The following MAP2 variants were observed in gnomAD, a reference collection of about 807,000 sequenced individuals.
MAP2 encodes microtubule associated protein 2.
In MAP2, 14 loss-of-function variants were observed where a neutral mutation model predicts 137.6. That is an observed-to-expected ratio of 0.10 (90% CI 0.07 to 0.16). MAP2 has a LOEUF of 0.16. MAP2 is among the 10% of genes least tolerant of loss of function. The pLI, the probability that MAP2 is intolerant of heterozygous loss-of-function variation, is 1.00. For synonymous variants in MAP2, 786 were observed against 782.3 expected, an observed-to-expected ratio of 1.00 and a Z score of -0.08; for missense variants, 2,088 against 2,191.5, an observed-to-expected ratio of 0.95 and a Z score of 0.94.
chr2:209,630,222 T>TGA (rs2092841747), intron 4 of MAP2, among the ~76,000 whole-genome samples: 2 of 152,266 alleles, frequency 1.3e-5, no homozygotes, highest in African/African-American at 4.8e-5. Context: ...ACAGATCTTA[T>TGA]GAGGGTCTAG....
In MAP2 at chr2:209,592,478, G is replaced by A. The variant is rs181347459; in HGVS notation, c.-107+12378G>A. ...TGTGAAAGGCATTTATTCATATGTGGCCAGTCACTAATAAATCTGAGTCCT... is the reference window on the plus strand; with the variant it reads ...TGTGAAAGGCATTTATTCATATGTGACCAGTCACTAATAAATCTGAGTCCT... On this transcript the variant is annotated intron_variant, in intron 3 of 15. Coordinates refer to ENST00000682079, the MANE Select transcript of MAP2 (RefSeq NM_001375505.1). 4.7e-3 allele frequency among the ~76,000 whole-genome samples: 718 copies of A among 152,108 alleles called. 9 individuals carry two copies. Among genetic ancestry groups the A allele is most frequent in the African/African-American group, 0.016 (671 of 41,494 alleles).
At chr2:209,502,999 CTTTTTTT>C (rs71043931) in intron 1 of MAP2, among the ~76,000 whole-genome samples, 27,383 of 131,384 alleles carry the variant, frequency 0.21, 3,030 homozygotes, top group Non-Finnish European at 0.27. Flanking sequence ...GATTTTTTTT[CTTTTTTT>C]TTTTTTTTTT....
chr2:209,616,249 C>T (rs973889801), intron 3 of MAP2, among the ~76,000 whole-genome samples: 1 of 152,130 alleles, frequency 6.6e-6, no homozygotes, highest in African/African-American at 2.4e-5. Flanking sequence ...GCCCGGGGTC[C>T]CCAGCTTGCA....
intron 1 of MAP2, among the ~76,000 whole-genome samples, chr2:209,490,605 C>CAAAA (rs59133937): frequency 0.04 from 220 of 5,568 alleles, 78 homozygotes; most frequent in East Asian, 0.19. Flanking sequence ...AAATGGAAAG[C>CAAAA]AAAAAAAAAA....
chr2:209,710,510 T>G, intron 13 of MAP2: 1 of 436,244 alleles, frequency 2.3e-6, no homozygotes, highest in Non-Finnish European at 4.1e-6. Flanking sequence ...TAACTTTTTT[T>G]TTTTCTGAAT....
At chr2:209,578,723 G>A (rs1464984705) in intron 2 of MAP2, among the ~76,000 whole-genome samples, 1 of 152,106 alleles carries the variant, frequency 6.6e-6, no homozygotes, top group African/African-American at 2.4e-5. Flanking sequence ...CCCTACACAA[G>A]GGCACTGTAA....
At chr2:209,680,258 G>T (rs983376101) in intron 6 of MAP2, among the ~76,000 whole-genome samples, 56 of 152,096 alleles carry the variant, frequency 3.7e-4, no homozygotes, top group African/African-American at 1.3e-3. Flanking sequence ...ACAAAAGGTT[G>T]TTTAAAAAAT....
chr2:209,479,299 G>C (rs1409065835), intron 1 of MAP2, among the ~76,000 whole-genome samples: 1 of 152,008 alleles, frequency 6.6e-6, no homozygotes, highest in Non-Finnish European at 1.5e-5. Context: ...GGGTTTTGTT[G>C]AAATTGGCAT....
chr2:209,624,240 CA>C (rs2091879241), intron 3 of MAP2, among the ~76,000 whole-genome samples: 1 of 152,022 alleles, frequency 6.6e-6, no homozygotes, highest in Non-Finnish European at 1.5e-5. Flanking sequence ...TCCACTCTAC[CA>C]GGAGTAAAAT....
intron 13 of MAP2, among the ~76,000 whole-genome samples, chr2:209,718,750 A>G (rs895289887): frequency 1.3e-5 from 2 of 152,214 alleles, no homozygotes; most frequent in African/African-American, 4.8e-5. Context: ...TGTGTATTTA[A>G]ATATACATAT....
intron 1 of MAP2, among the ~76,000 whole-genome samples, chr2:209,442,409 A>G (rs1698021400): frequency 6.6e-6 from 1 of 151,610 alleles, no homozygotes; most frequent in Non-Finnish European, 1.5e-5. Context: ...TTGGTGAACA[A>G]TTTCTGTAGT....
At chr2:209,680,896 G>A (rs1419291572) in intron 7 of MAP2, 69 bp downstream of exon 7, 1 of 1,332,868 alleles carries the variant, frequency 7.5e-7, no homozygotes, top group African/African-American at 1.4e-5. Flanking sequence ...CAATCAATAA[G>A]CTCTGGACTT....
chr2:209,725,068 C>A (rs1457718473), intron 13 of MAP2, among the ~76,000 whole-genome samples: 2 of 152,166 alleles, frequency 1.3e-5, no homozygotes, highest in Non-Finnish European at 2.9e-5. Flanking sequence ...TTCAGTAATT[C>A]CCAAGTACTC....
rs763091857 is a variant in MAP2, at chr2:209,692,707, A to C, written c.537A>C (p.Glu179Asp). The C allele has an allele frequency of 6.2e-7, 1 of 1,613,948 alleles. No homozygotes were observed. Among genetic ancestry groups the C allele is most frequent in the Non-Finnish European group, 8.5e-7 (1 of 1,179,924 alleles). Residue 179 changes from glutamate to aspartate, a missense_variant, in exon 8 of 16, where the codon GAA becomes GAC. Glu to Asp is a conservative substitution (Grantham distance 45). Around this residue, in one of 6 missense-constraint regions of MAP2, gnomAD observed 859 missense variants for 794.5 expected, o/e 1.08. Coordinates refer to ENST00000682079, the MANE Select transcript of MAP2 (RefSeq NM_001375505.1). ...PSTAEPSDQK[E>D]KESEKQSKPG... ...CAGCTGAGCCTTCAGACCAGAAGGA[A>C]AAGGAGTCAGAGAAGCAAAGTAAGC...
intron 1 of MAP2, among the ~76,000 whole-genome samples, chr2:209,501,359 G>T (rs948648501): frequency 6.6e-6 from 1 of 152,068 alleles, no homozygotes; most frequent in Admixed American, 6.5e-5. Context: ...GTATAATCAG[G>T]CCTATTTGAG....
intron 11 of MAP2, among the ~76,000 whole-genome samples, chr2:209,702,518 T>C (rs769259899): frequency 2.6e-5 from 4 of 151,974 alleles, no homozygotes; most frequent in Middle Eastern, 3.2e-3. Flanking sequence ...TTTTTTTCTA[T>C]GGGTACATAT....
At chr2:209,457,555 A>T (rs1701832826) in intron 1 of MAP2, among the ~76,000 whole-genome samples, 1 of 152,038 alleles carries the variant, frequency 6.6e-6, no homozygotes, top group African/African-American at 2.4e-5. Context: ...CATATAATGA[A>T]GCTCTGAACT....
intron 3 of MAP2, among the ~76,000 whole-genome samples, chr2:209,592,922 C>T (rs946434516): frequency 3.9e-5 from 6 of 152,046 alleles, no homozygotes; most frequent in Non-Finnish European, 5.9e-5. Flanking sequence ...TATAATGTCT[C>T]CTTTTTCAAA....
At chr2:209,528,828 A>G (rs1401246379) in intron 2 of MAP2, among the ~76,000 whole-genome samples, 1 of 150,356 alleles carries the variant, frequency 6.7e-6, no homozygotes, top group African/African-American at 2.5e-5. Flanking sequence ...ATGTATATGT[A>G]CATATGTATG....
Sources: gnomAD v4.1 joint callset for allele counts (sites outside exome capture counted in the v4.1 genomes callset) on GRCh38, gnomAD v4.1.1 for gene constraint, gnomAD v4.1.1 regional missense constraint, MANE v1.5 for transcripts, NCBI Gene and HGNC (gene_info 2026-07-23, HGNC 2026-07-21) for gene names.